COPS2: variants seen among roughly 807,000 people sequenced by gnomAD.
COPS2 encodes the protein COP9 signalosome subunit 2, also known as COP9 signalosome complex subunit 2.
A neutral mutation model predicts 66.1 loss-of-function variants in COPS2; 10 were observed. The observed-to-expected ratio is 0.15, with a 90% CI of 0.09 to 0.26. The LOEUF (loss-of-function observed/expected upper bound fraction) is 0.26. COPS2 is among the 10% of genes least tolerant of loss of function. The pLI is 1.00. For synonymous variants in COPS2, 179 were observed against 171.3 expected (o/e 1.04, Z -0.35); for missense variants, 215 against 513.3 (o/e 0.42, Z 5.62).
At chr15:49,147,434 G>C (rs773754354) in intron 1 of COPS2, among the ~76,000 whole-genome samples, 1 of 152,094 alleles carries the variant, frequency 6.6e-6, no homozygotes, top group Non-Finnish European at 1.5e-5. Context: ...TTCGAGAAGA[G>C]GAAAGTAGAA....
intron 12 of COPS2, 102 bp downstream of exon 12, chr15:49,128,600 T>G: frequency 1.3e-6 from 1 of 759,906 alleles, no homozygotes; most frequent in South Asian, 2.0e-5. Context: ...TACCCAAGGG[T>G]GCTTTTTATG....
chr15:49,140,435 T>C (rs1246705597), intron 3 of COPS2, among the ~76,000 whole-genome samples: 3 of 152,202 alleles, frequency 2.0e-5, no homozygotes, highest in Admixed American at 6.5e-5. Context: ...GCTGGTTATA[T>C]ATAAAAATGT....
chr15:49,138,424 T>C (rs969891275), intron 4 of COPS2, among the ~76,000 whole-genome samples: 22 of 152,168 alleles, frequency 1.4e-4, no homozygotes, highest in African/African-American at 4.3e-4. Flanking sequence ...AAACCTTACA[T>C]ATAACCACAC....
chr15:49,154,549 A>C (rs1206292573), intron 1 of COPS2, among the ~76,000 whole-genome samples: 1 of 152,200 alleles, frequency 6.6e-6, no homozygotes. Context: ...GTCCCAAAAC[A>C]TCTATTTCGT....
chr15:49,152,174 TA>T (rs755788594), intron 1 of COPS2, among the ~76,000 whole-genome samples: 48 of 140,888 alleles, frequency 3.4e-4, no homozygotes, highest in Admixed American at 5.1e-4. Flanking sequence ...CTAAGAAACA[TA>T]AAAAAAAAAA....
rs762954177 is a variant in COPS2 at position 49,124,536 on chromosome 15, C to CAA, written c.*3412_*3413dup. ...TAATTGTGGTCACATAAATGAAGAC[C>CAA]AAATGCCTTTTGCGTCACATTCTGA... On this transcript the variant is annotated 3_prime_UTR_variant, in exon 13 of 13. Transcript: ENST00000388901. 1.3e-5 allele frequency: 2 copies of CAA among 151,962 alleles called. No homozygotes were observed. The highest frequency in any genetic ancestry group is 2.9e-5 in the Non-Finnish European group (2 of 67,970). The allele number at this position is 151,962 out of a possible 1,614,324, so 9.4% of individuals were successfully genotyped here. A position where few individuals can be genotyped will look rare whatever the true frequency, so the allele number is the denominator to read the frequency against.
At position 49,137,712 on chromosome 15, in the gene COPS2, G is replaced by A. The variant is rs1419594686; in HGVS notation, c.373-275C>T. 5 of 303,686 alleles carry A rather than the reference G, an allele frequency of 1.6e-5. No homozygotes were observed. In the South Asian group the frequency reaches 3.0e-4, roughly 18 times the overall value. 18.8% of individuals were successfully genotyped at this position (303,686 alleles called of 1,614,324 possible). Reference sequence around the variant, plus strand: ...AAGTTCTCATGCTGTAATAGTACACGTTTGTCCTTCCCAATCTAATAATAC... The same window carrying A: ...AAGTTCTCATGCTGTAATAGTACACATTTGTCCTTCCCAATCTAATAATAC... On this transcript the variant is annotated intron_variant, in intron 4 of 12. Coordinates refer to ENST00000388901, the MANE Select transcript of COPS2 (RefSeq NM_004236.4).
At chr15:49,129,125 C>G (rs2084190402) in intron 11 of COPS2, among the ~76,000 whole-genome samples, 1 of 152,006 alleles carries the variant, frequency 6.6e-6, no homozygotes, top group African/African-American at 2.4e-5. Context: ...TTTCTGTTAA[C>G]TCAATTTATG....
rs1481367758 is a variant in COPS2 at position 49,125,602 on chromosome 15, C to T, written c.*2348G>A. On this transcript the variant is annotated 3_prime_UTR_variant, in exon 13 of 13. Transcript: ENST00000388901. Reference sequence around the variant, plus strand: ...TTTCAACTCTACAATATTTGATGCACAAAAACACAGAAAAATGTTTTAAGG... The same window carrying T: ...TTTCAACTCTACAATATTTGATGCATAAAAACACAGAAAAATGTTTTAAGG... 3 of 152,020 alleles carry T rather than the reference C, an allele frequency of 2.0e-5. No individual in the cohort carries two copies. The highest frequency in any genetic ancestry group is 2.9e-5 in the Non-Finnish European group (2 of 67,872). 9.4% of individuals were successfully genotyped at this position (152,020 alleles called of 1,614,324 possible).
At chr15:49,129,971 A>G (rs1200531144) in intron 10 of COPS2, among the ~76,000 whole-genome samples, 1 of 152,156 alleles carries the variant, frequency 6.6e-6, no homozygotes, top group East Asian at 1.9e-4. Context: ...TGTCTGTACA[A>G]TAGTTCTTAA....
chr15:49,123,989 G>A lies in COPS2; in HGVS notation c.*3961C>T, dbSNP rs2084143681. On this transcript the variant is annotated 3_prime_UTR_variant, in exon 13 of 13. Coordinates refer to ENST00000388901, the MANE Select transcript of COPS2 (RefSeq NM_004236.4). ...TGGCATTTAAACTCACATTTTAATG[G>A]CCCAAGAAGTTACTATAAATTTAAT... The A allele has an allele frequency of 6.6e-6, 1 of 152,130 alleles. No homozygotes were observed. The highest frequency in any genetic ancestry group is 2.4e-5 in the African/African-American group (1 of 41,420). 9.4% of individuals were successfully genotyped at this position (152,130 alleles called of 1,614,324 possible). A position where few individuals can be genotyped will look rare whatever the true frequency, so the allele number is the denominator to read the frequency against.
At chr15:49,153,290 G>T (rs1347817201) in intron 1 of COPS2, among the ~76,000 whole-genome samples, 1 of 146,340 alleles carries the variant, frequency 6.8e-6, no homozygotes, top group East Asian at 2.0e-4. Flanking sequence ...AATAAATAAA[G>T]AAGACATACA....
chr15:49,154,635 G>T (rs2084398064), intron 1 of COPS2, among the ~76,000 whole-genome samples: 1 of 152,108 alleles, frequency 6.6e-6, no homozygotes, highest in Non-Finnish European at 1.5e-5. Flanking sequence ...CAGCAAAATT[G>T]ACGTTAATTC....
chr15:49,143,883 G>A (rs1229506401), intron 3 of COPS2, among the ~76,000 whole-genome samples: 1 of 151,976 alleles, frequency 6.6e-6, no homozygotes, highest in African/African-American at 2.4e-5. Flanking sequence ...CTACTCAGGA[G>A]GCTGAGGCAG....
At chr15:49,129,022 A>C (rs1342000986) in intron 11 of COPS2, among the ~76,000 whole-genome samples, 1 of 152,222 alleles carries the variant, frequency 6.6e-6, no homozygotes, top group Non-Finnish European at 1.5e-5. Flanking sequence ...TATTTTAGCC[A>C]CTACTTTCCC....
intron 1 of COPS2, 52 bp from the exon 2 acceptor site, chr15:49,145,130 C>T (rs768946226): frequency 2.7e-5 from 25 of 942,656 alleles, no homozygotes; most frequent in African/African-American, 1.0e-4. Flanking sequence ...GAAACCCACA[C>T]GTAGCAACGT....
chr15:49,151,738 G>A (rs2084362826), intron 1 of COPS2, among the ~76,000 whole-genome samples: 1 of 150,726 alleles, frequency 6.6e-6, no homozygotes, highest in South Asian at 2.1e-4. Flanking sequence ...TGCCTCTAAT[G>A]AAAATCAAAC....
In COPS2 at chr15:49,143,171, C is replaced by T. The variant is rs1399661945; in HGVS notation, c.246+1056G>A. On this transcript the variant is annotated intron_variant, in intron 3 of 12. Coordinates refer to ENST00000388901, the MANE Select transcript of COPS2 (RefSeq NM_004236.4). ...GAAACAGCAGGTGCAAGCCTTTACA[C>T]AGGATTGTGCTTGGGATGACTTGAG... Among the ~76,000 whole-genome samples, 5 of 152,204 alleles carry T rather than the reference C, an allele frequency of 3.3e-5. No individual in the cohort carries two copies. The East Asian group carries it at 9.7e-4, about 29-fold the overall frequency.
intron 1 of COPS2, 45 bp from the exon 2 acceptor site, chr15:49,145,123 AC>A: frequency 9.6e-7 from 1 of 1,037,942 alleles, no homozygotes; most frequent in Non-Finnish European, 1.4e-6. Flanking sequence ...AAGAAAAGAA[AC>A]CCACACGTAG....
Sources: allele counts gnomAD v4.1 joint callset (sites outside exome capture counted in the v4.1 genomes callset), GRCh38; gene constraint gnomAD v4.1.1; transcripts MANE v1.5; gene names NCBI Gene and HGNC (gene_info 2026-07-23, HGNC 2026-07-21).